The following HELZ variants were observed in gnomAD, a reference collection of about 807,000 sequenced individuals.
HELZ encodes ATP-dependent RNA helicase with zinc finger domain.
HELZ carries 23 observed loss-of-function variants against 218.2 expected under a neutral mutation model. The observed-to-expected ratio is 0.11, with a 90% CI of 0.08 to 0.15. The LOEUF (loss-of-function observed/expected upper bound fraction) is 0.15, where lower values mean the gene tolerates loss of function less well. Among genes scored for constraint, HELZ ranks in the 10% least tolerant of loss-of-function variants. The pLI is 1.00. For synonymous variants in HELZ, 814 were observed against 829.4 expected (o/e 0.98, Z 0.32); for missense variants, 1,813 against 2,353.7 (o/e 0.77, Z 4.75).
intron 27 of HELZ, among the ~76,000 whole-genome samples, chr17:67,114,657 A>T (rs1235439695): frequency 1.3e-5 from 2 of 152,212 alleles, no homozygotes; most frequent in Non-Finnish European, 2.9e-5. Context: ...GCATCAAATA[A>T]TCCCAAAGGA....
At chr17:67,169,751 T>C (rs777468865) in intron 13 of HELZ, among the ~76,000 whole-genome samples, 7 of 152,088 alleles carry the variant, frequency 4.6e-5, no homozygotes, top group African/African-American at 7.2e-5. Flanking sequence ...AAGTCCAGAG[T>C]GTGAACTAAA....
At chr17:67,135,913 G>T in intron 23 of HELZ, 57 bp downstream of exon 23, 3 of 1,342,902 alleles carry the variant, frequency 2.2e-6, no homozygotes, top group Non-Finnish European at 3.1e-6. Flanking sequence ...TATACACATA[G>T]GGATACAAAT....
At chr17:67,107,915 C>G (rs1311452566) in intron 30 of HELZ, among the ~76,000 whole-genome samples, 1 of 152,208 alleles carries the variant, frequency 6.6e-6, no homozygotes, top group Non-Finnish European at 1.5e-5. Flanking sequence ...TTAAAAACAT[C>G]TGTCCTTGTC....
rs1042117958 is a variant in HELZ at position 67,229,138 on chromosome 17, G to C, written c.-19+10295C>G. Among the ~76,000 whole-genome samples the C allele has an allele frequency of 5.3e-5, 8 of 152,234 alleles. No homozygotes were observed. In the East Asian group the frequency reaches 1.2e-3, roughly 22 times the overall value. ...GGCTAAAGTGTATCATGCTTCCTGA[G>C]GGAGAAAAAGTATACTTTAGAGATG... On this transcript the variant is annotated intron_variant, in intron 3 of 32. Coordinates refer to ENST00000358691, the MANE Select transcript of HELZ (RefSeq NM_014877.4).
chr17:67,231,389 C>T (rs943505006), intron 3 of HELZ, among the ~76,000 whole-genome samples: 1 of 151,608 alleles, frequency 6.6e-6, no homozygotes, highest in Non-Finnish European at 1.5e-5. Context: ...GTCAGGAGAT[C>T]GAGACCATCC....
rs751162172 is a variant in HELZ, at chr17:67,120,480, G to A, written c.3763C>T (p.His1255Tyr). ...RGSPIPYGLG[H>Y]HPPVTIGQPQ... ...TGGCCTATGGTGACAGGTGGGTGAT[G>A]TCCAAGGCCATAAGGAATAGGAGAT... The change falls in exon 27 of 33, where the codon CAT becomes TAT. Residue 1255 changes from histidine to tyrosine, a missense_variant. His to Tyr is a moderately conservative substitution (Grantham distance 83). Transcript: ENST00000358691. 6.2e-7 allele frequency: 1 copy of A among 1,613,982 alleles called. No homozygotes were observed. The highest frequency in any genetic ancestry group is 1.1e-5 in the South Asian group (1 of 91,068).
At chr17:67,220,227 G>A (rs1032388146) in intron 3 of HELZ, among the ~76,000 whole-genome samples, 2 of 152,186 alleles carry the variant, frequency 1.3e-5, no homozygotes, top group Non-Finnish European at 2.9e-5. Context: ...TGCAGTGCAA[G>A]ATGAGGGGAG....
chr17:67,106,175 C>G (rs192804281), intron 31 of HELZ, among the ~76,000 whole-genome samples: 34 of 152,018 alleles, frequency 2.2e-4, no homozygotes, highest in African/African-American at 8.0e-4. Flanking sequence ...TTAATGGGAT[C>G]AGCTAGACAT....
At chr17:67,245,865 A>AC (rs1232453383), upstream of HELZ, 3 of 152,026 alleles carry the variant, frequency 2.0e-5, no homozygotes, top group African/African-American at 7.2e-5. Flanking sequence ...GGGTAACGTG[A>AC]TCCGCGACCC....
chr17:67,100,683 C>CCATT lies in HELZ; in HGVS notation c.5241+6482_5241+6485dup, dbSNP rs558801827. On this transcript the variant is annotated intron_variant, in intron 31 of 32. Coordinates refer to ENST00000358691, the MANE Select transcript of HELZ (RefSeq NM_014877.4). ...AAAAGTATAATGGAAAAAAAAGGTC[C>CCATT]CATTAATAACAAAAACAAAACAAAA... Among the ~76,000 whole-genome samples, 795 of 151,728 alleles carry CCATT rather than the reference C, an allele frequency of 5.2e-3. 7 individuals carry two copies. Among genetic ancestry groups the CCATT allele is most frequent in the Non-Finnish European group, 5.8e-3 (391 of 67,936 alleles).
chr17:67,235,096 T>A (rs748729069), intron 3 of HELZ, among the ~76,000 whole-genome samples: 1 of 152,202 alleles, frequency 6.6e-6, no homozygotes, highest in Non-Finnish European at 1.5e-5. Context: ...CCTTCATGTT[T>A]GGATCCCTCA....
At chr17:67,245,313 G>T (rs2041454574), upstream of HELZ, 1 of 828,680 alleles carries the variant, frequency 1.2e-6, no homozygotes, top group Non-Finnish European at 1.5e-6. Flanking sequence ...AGTTGCCCCG[G>T]GTGGACTGCC....
At chr17:67,097,170 G>A (rs1488033676) in intron 31 of HELZ, among the ~76,000 whole-genome samples, 1 of 152,126 alleles carries the variant, frequency 6.6e-6, no homozygotes, top group Non-Finnish European at 1.5e-5. Flanking sequence ...AACACTGATT[G>A]CTCAAAAACA....
intron 31 of HELZ, among the ~76,000 whole-genome samples, chr17:67,099,607 T>C (rs981309644): frequency 1.3e-5 from 2 of 152,186 alleles, no homozygotes; most frequent in African/African-American, 4.8e-5. Flanking sequence ...ACAAAACTCA[T>C]GTATAAATTT....
At chr17:67,244,578 G>A in intron 1 of HELZ, 1 of 965,994 alleles carries the variant, frequency 1.0e-6, no homozygotes, top group Non-Finnish European at 1.2e-6. Context: ...TTCCGAGGAG[G>A]GGGCGGGGAA....
At chr17:67,143,568 T>G (rs2038400508) in intron 21 of HELZ, among the ~76,000 whole-genome samples, 1 of 151,480 alleles carries the variant, frequency 6.6e-6, no homozygotes, top group South Asian at 2.1e-4. Context: ...GTGATCACAC[T>G]ACTGCACTCC....
chr17:67,235,373 T>C (rs761266371), intron 3 of HELZ, among the ~76,000 whole-genome samples: 12 of 151,972 alleles, frequency 7.9e-5, no homozygotes, highest in Non-Finnish European at 1.5e-4. Flanking sequence ...GGCATGGTAG[T>C]GCGCACCTGT....
intron 5 of HELZ, among the ~76,000 whole-genome samples, chr17:67,206,677 C>A (rs1329548355): frequency 1.3e-5 from 2 of 150,912 alleles, no homozygotes; most frequent in African/African-American, 2.4e-5. Flanking sequence ...TGGCTCACCA[C>A]AACCTCTGCC....
chr17:67,128,832 G>T lies in HELZ; in HGVS notation c.3206C>A (p.Ala1069Asp). The T allele has an allele frequency of 6.2e-7, 1 of 1,613,852 alleles. No individual in the cohort carries two copies. Among genetic ancestry groups the T allele is most frequent in the Non-Finnish European group, 8.5e-7 (1 of 1,179,832 alleles). Residue 1069 changes from alanine to aspartate, a missense_variant, in exon 24 of 33, where the codon GCC becomes GAC. Ala to Asp is a moderately radical substitution (Grantham distance 126, BLOSUM62 -2). Coordinates refer to ENST00000358691, the MANE Select transcript of HELZ (RefSeq NM_014877.4). ...TAGGCTACTGTTTTCATGACACAGG[G>T]CAATAAACCGTTCCCAAAATTTCCT... The part of the protein sequence containing the change: ...RCRKFWERFI[A>D]LCHENSSLHG...
Sources: allele counts gnomAD v4.1 joint callset (sites outside exome capture counted in the v4.1 genomes callset), GRCh38; gene constraint gnomAD v4.1.1; transcripts MANE v1.5; gene names NCBI Gene and HGNC (gene_info 2026-07-23, HGNC 2026-07-21).